ADCY5: variants seen among roughly 807,000 people sequenced by gnomAD.
ADCY5 encodes the protein adenylate cyclase 5.
ADCY5 carries 30 observed loss-of-function variants against 119.7 expected under a neutral mutation model. The ratio of observed to expected loss-of-function variants is 0.25; its 90% CI spans 0.19 to 0.34. The LOEUF is 0.34. Among genes scored for constraint, ADCY5 ranks in the 10% least tolerant of loss-of-function variants. ADCY5 has a pLI of 1.00. For synonymous variants in ADCY5, 753 were observed against 762.2 expected (o/e 0.99, Z 0.20); for missense variants, 1,324 against 1,775.2 (o/e 0.75, Z 4.57).
intron 1 of ADCY5, among the ~76,000 whole-genome samples, chr3:123,393,445 T>C (rs28654158): frequency 0.26 from 39,686 of 151,828 alleles, 6,508 homozygotes; most frequent in Non-Finnish European, 0.37. Flanking sequence ...TAGCCTTAGT[T>C]ACCAGGGAGG....
chr3:123,333,080 T>A (rs556660690), intron 3 of ADCY5, among the ~76,000 whole-genome samples: 9 of 152,188 alleles, frequency 5.9e-5, no homozygotes, highest in African/African-American at 1.9e-4. Flanking sequence ...TAATGCCCAA[T>A]GTGATGGTAT....
chr3:123,404,093 A>G (rs932852810), intron 1 of ADCY5: 1 of 152,282 alleles, frequency 6.6e-6, no homozygotes, highest in African/African-American at 2.4e-5. Flanking sequence ...CCAGTGAAGA[A>G]GATCAAGATA....
rs1201157755 is a variant in ADCY5 at position 123,405,882 on chromosome 3, G to C, written c.1134+41530C>G. 8.5e-5 allele frequency among the ~76,000 whole-genome samples: 13 copies of C among 152,138 alleles called. 1 individual carries two copies. Among genetic ancestry groups the C allele is most frequent in the Admixed American group, 8.5e-4 (13 of 15,282 alleles). ...ACTACTGGCCTCAAGCGATCTGCCT[G>C]CCTTGGCCTCCCAAAGTGCTGGGAT... On this transcript the variant is annotated intron_variant, in intron 1 of 20. Coordinates refer to ENST00000462833, the MANE Select transcript of ADCY5 (RefSeq NM_183357.3).
At chr3:123,382,861 G>A (rs1265812809) in intron 1 of ADCY5, among the ~76,000 whole-genome samples, 3 of 115,326 alleles carry the variant, frequency 2.6e-5, no homozygotes, top group East Asian at 7.3e-4. Context: ...GTGAATGTAC[G>A]TAATGTCTGA....
At chr3:123,392,984 G>A (rs1018592114) in intron 1 of ADCY5, among the ~76,000 whole-genome samples, 2 of 152,196 alleles carry the variant, frequency 1.3e-5, no homozygotes, top group African/African-American at 4.8e-5. Context: ...GACTCTAAAT[G>A]CACTGAGCTG....
At chr3:123,312,867 G>A (rs562927895) in intron 12 of ADCY5, among the ~76,000 whole-genome samples, 1 of 152,274 alleles carries the variant, frequency 6.6e-6, no homozygotes, top group South Asian at 2.1e-4. Context: ...TCATAGCCAC[G>A]GGATGAAGAA....
In ADCY5 at chr3:123,291,197, G is replaced by A. The variant is rs138277738; in HGVS notation, c.3243C>T (p.Ser1081=). The A allele has an allele frequency of 6.2e-5, 100 of 1,614,068 alleles. No homozygotes were observed. The highest frequency in any genetic ancestry group is 5.4e-4 in the South Asian group (49 of 91,084). The part of the protein sequence containing the change: ...AVMFASIANF[S]EFYVELEANN... ...TGGCCTCCAGCTCAACGTAGAACTC[G>A]GAGAAGTTGGCGATGGAGGCGAACA... The change falls in exon 18 of 21, where the codon TCC becomes TCT. Residue 1081 remains serine (S), a synonymous_variant. Transcript: ENST00000462833.
chr3:123,429,648 C>T (rs1945482977), intron 1 of ADCY5, among the ~76,000 whole-genome samples: 1 of 152,144 alleles, frequency 6.6e-6, no homozygotes, highest in African/African-American at 2.4e-5. Context: ...CAGAGTGAGG[C>T]ATCTTCCTCT....
chr3:123,314,588 C>G (rs562252303), intron 11 of ADCY5, among the ~76,000 whole-genome samples: 2 of 152,378 alleles, frequency 1.3e-5, no homozygotes, highest in Non-Finnish European at 1.5e-5. Flanking sequence ...GTTCCCTCCC[C>G]TTCCGGTGGA....
intron 1 of ADCY5, among the ~76,000 whole-genome samples, chr3:123,401,103 T>C (rs1360788472): frequency 1.3e-5 from 2 of 152,174 alleles, no homozygotes; most frequent in African/African-American, 4.8e-5. Flanking sequence ...GTAACGCTAA[T>C]AGTGGCTATT....
rs1938739152 is a variant in ADCY5, at chr3:123,286,147, C to T, written c.3657+538G>A. On this transcript the variant is annotated intron_variant, in intron 20 of 20. Coordinates refer to ENST00000462833, the MANE Select transcript of ADCY5 (RefSeq NM_183357.3). The surrounding 1 kb of genome is among the most constrained non-coding windows in gnomAD (Gnocchi z 4.2). Reference sequence around the variant, plus strand: ...GGCTCAAAAAGCAGCAGCTGAAGAACAGCAGGCCGGGAAACCACAAGCCCA... The same window carrying T: ...GGCTCAAAAAGCAGCAGCTGAAGAATAGCAGGCCGGGAAACCACAAGCCCA... Among the ~76,000 whole-genome samples the T allele has an allele frequency of 6.6e-6, 1 of 152,200 alleles. No individual in the cohort carries two copies. Among genetic ancestry groups the T allele is most frequent in the African/African-American group, 2.4e-5 (1 of 41,452 alleles).
chr3:123,448,547 C>T lies in ADCY5; in HGVS notation c.-2G>A, dbSNP rs1945873897. 4.7e-6 allele frequency: 6 copies of T among 1,263,608 alleles called. No individual in the cohort carries two copies. Among genetic ancestry groups the T allele is most frequent in the South Asian group, 2.9e-5 (1 of 33,932 alleles). 78.3% of individuals were successfully genotyped at this position (1,263,608 alleles called of 1,614,324 possible). On this transcript the variant is annotated 5_prime_UTR_variant, in exon 1 of 21. Coordinates refer to ENST00000462833, the MANE Select transcript of ADCY5 (RefSeq NM_183357.3). ...GCTCACGCTTTTGGAGCCGGACATCCCCCCCTCGGCCTCGTCGTCTCCTTC... is the reference window on the plus strand; with the variant it reads ...GCTCACGCTTTTGGAGCCGGACATCTCCCCCTCGGCCTCGTCGTCTCCTTC...
chr3:123,435,835 A>C (rs1303536636), intron 1 of ADCY5, among the ~76,000 whole-genome samples: 15 of 149,526 alleles, frequency 1.0e-4, no homozygotes, highest in Admixed American at 1.0e-3. Flanking sequence ...AGCCTGGGCA[A>C]CCTGGCAAGA....
intron 1 of ADCY5, among the ~76,000 whole-genome samples, chr3:123,388,562 G>C (rs767315832): frequency 1.6e-3 from 204 of 124,874 alleles, no homozygotes; most frequent in Middle Eastern, 4.0e-3. Context: ...CAGAGGGACA[G>C]ATATGGGGAG....
intron 1 of ADCY5, among the ~76,000 whole-genome samples, chr3:123,371,062 G>A (rs1398258606): frequency 6.6e-6 from 1 of 152,212 alleles, no homozygotes; most frequent in Non-Finnish European, 1.5e-5. Flanking sequence ...TTCTCAAGAC[G>A]GAAGGAAGCA....
intron 3 of ADCY5, among the ~76,000 whole-genome samples, chr3:123,338,835 G>A (rs574628173): frequency 1.3e-5 from 2 of 152,320 alleles, no homozygotes; most frequent in African/African-American, 4.8e-5. Context: ...ATTTCCTCGT[G>A]GTTGTTCCAT....
intron 1 of ADCY5, among the ~76,000 whole-genome samples, chr3:123,353,252 C>T (rs1168769792): frequency 6.6e-6 from 1 of 152,198 alleles, no homozygotes; most frequent in Non-Finnish European, 1.5e-5. Context: ...TGTGGAAAAA[C>T]ACCACTGACC....
chr3:123,341,909 G>A (rs570836647), intron 3 of ADCY5, among the ~76,000 whole-genome samples: 186 of 152,086 alleles, frequency 1.2e-3, no homozygotes, highest in African/African-American at 4.1e-3. Context: ...TAACTGGTAC[G>A]GGAGTAGAGT....
chr3:123,343,816 T>A (rs1277105599), intron 3 of ADCY5, among the ~76,000 whole-genome samples: 2 of 152,084 alleles, frequency 1.3e-5, no homozygotes, highest in African/African-American at 4.8e-5. Context: ...CTGGTGGACA[T>A]CCCAGCATGG....
Sources: gnomAD v4.1 joint callset for allele counts (sites outside exome capture counted in the v4.1 genomes callset) on GRCh38, gnomAD v4.1.1 for gene constraint, Gnocchi (gnomAD v3.1) non-coding constraint, MANE v1.5 for transcripts, NCBI Gene and HGNC (gene_info 2026-07-23, HGNC 2026-07-21) for gene names.